The following SCN3A variants were observed in gnomAD, a reference collection of about 807,000 sequenced individuals.
SCN3A encodes sodium voltage-gated channel alpha subunit 3, also known as sodium channel protein type 3 subunit alpha.
A neutral mutation model predicts 187.6 loss-of-function variants in SCN3A; 60 were observed. That is an observed-to-expected ratio of 0.32 (90% CI 0.26 to 0.40). SCN3A has a LOEUF of 0.40. Among genes scored for constraint, SCN3A ranks in the 10% least tolerant of loss-of-function variants. The pLI, the probability that SCN3A is intolerant of heterozygous loss-of-function variation, is 1.00. For missense variants in SCN3A, 1,601 were observed against 2,428.2 expected (o/e 0.66, Z 7.16); for synonymous variants, 788 against 829.2 (o/e 0.95, Z 0.85).
chr2:165,142,446 G>A (rs915767448), intron 12 of SCN3A, among the ~76,000 whole-genome samples: 1 of 152,160 alleles, frequency 6.6e-6, no homozygotes, highest in Non-Finnish European at 1.5e-5. Context: ...TATTCACTAA[G>A]AAGTGCTCTG....
At chr2:165,125,564 G>T (rs1294061700) in intron 18 of SCN3A, among the ~76,000 whole-genome samples, 2 of 152,030 alleles carry the variant, frequency 1.3e-5, no homozygotes, top group Non-Finnish European at 2.9e-5. Flanking sequence ...TGATCCACTC[G>T]CCTCGGCCTC....
intron 13 of SCN3A, 38 bp from the exon 14 acceptor site, chr2:165,139,646 C>T (rs1687880535): frequency 6.2e-7 from 1 of 1,612,520 alleles, no homozygotes; most frequent in African/African-American, 1.3e-5. Flanking sequence ...CCACTCTTCC[C>T]AATAAGTAAT....
chr2:165,204,003 A>C lies in SCN3A; in HGVS notation c.-428T>G, dbSNP rs190054808. On this transcript the variant is annotated 5_prime_UTR_variant, in exon 1 of 28. Transcript: ENST00000283254. ...TCTTTCTCTGTGGATAAGAAAACAA[A>C]GAGACCTTTCCAGAATCCTCTCTGC... 5 of 150,818 alleles carry C rather than the reference A, an allele frequency of 3.3e-5. No homozygotes were observed. The highest frequency in any genetic ancestry group is 7.4e-5 in the Non-Finnish European group (5 of 67,706). The allele number at this position is 150,818 out of a possible 1,614,324, so 9.3% of individuals were successfully genotyped here.
At chr2:165,129,877 G>T in intron 17 of SCN3A, 63 bp downstream of exon 17, 1 of 1,597,754 alleles carries the variant, frequency 6.3e-7, no homozygotes, top group Non-Finnish European at 8.6e-7. Flanking sequence ...ACTACATCTG[G>T]CCACGTTCCT....
At position 165,159,252 on chromosome 2, in the gene SCN3A, G is replaced by A. The variant is rs746921843; in HGVS notation, c.1031+3056C>T. On this transcript the variant is annotated intron_variant, in intron 9 of 27. Coordinates refer to ENST00000283254, the MANE Select transcript of SCN3A (RefSeq NM_006922.4). ...CACCTGTACTATATACTCGTGTGGG[G>A]TATCTGTTCAGATCTTTTGCCAGTT... Among the ~76,000 whole-genome samples, 2 of 138,304 alleles carry A rather than the reference G, an allele frequency of 1.4e-5. 1 individual carries two copies. The highest frequency in any genetic ancestry group is 3.0e-5 in the Non-Finnish European group (2 of 66,702). 90.7% of individuals were successfully genotyped at this position (138,304 alleles called of 152,430 possible).
rs1056195158 is a variant in SCN3A, at chr2:165,133,914, C to T, written c.2392-2497G>A. Among the ~76,000 whole-genome samples, 7 of 152,138 alleles carry T rather than the reference C, an allele frequency of 4.6e-5. No individual in the cohort carries two copies. The East Asian group carries it at 5.8e-4, about 13-fold the overall frequency. On this transcript the variant is annotated intron_variant, in intron 15 of 27. Coordinates refer to ENST00000283254, the MANE Select transcript of SCN3A (RefSeq NM_006922.4). ...ACTGAAAGTTATTAAAAATTGATTT[C>T]GTAAAAACCATATTTTGTTTTTGAT... is the stretch of plus-strand genomic sequence containing the variant.
intron 18 of SCN3A, among the ~76,000 whole-genome samples, chr2:165,120,595 C>A (rs1686620151): frequency 6.6e-6 from 1 of 151,862 alleles, no homozygotes; most frequent in Non-Finnish European, 1.5e-5. Context: ...TAAAATCTAG[C>A]CATTTCTCTA....
At chr2:165,117,293 T>C (rs1249643429) in intron 18 of SCN3A, among the ~76,000 whole-genome samples, 1 of 152,128 alleles carries the variant, frequency 6.6e-6, no homozygotes, top group East Asian at 1.9e-4. Flanking sequence ...ATAGAAAGTT[T>C]CATGCTTTTT....
Position 165,162,606 on chromosome 2 carries a change from A to G in SCN3A, c.917T>C (p.Val306Ala), listed in dbSNP as rs1319007780. ...GTTAAATGTGCTCATTGTTACATTAACAAATGTCCCATTTGAATCCATTGT... is the reference window on the plus strand; with the variant it reads ...GTTAAATGTGCTCATTGTTACATTAGCAAATGTCCCATTTGAATCCATTGT... ...NGTMDSNGTF[V>A]NVTMSTFNWK... is the part of the protein sequence containing the mutation. The change falls in exon 8 of 28, where the codon GTT becomes GCT. Residue 306 changes from valine to alanine, a missense_variant. Around this residue, in one of 11 missense-constraint regions of SCN3A, gnomAD observed 104 missense variants for 102.7 expected, o/e 1.01. Coordinates refer to ENST00000283254, the MANE Select transcript of SCN3A (RefSeq NM_006922.4). The G allele has an allele frequency of 6.2e-7, 1 of 1,614,124 alleles. No homozygotes were observed. The highest frequency in any genetic ancestry group is 2.2e-5 in the East Asian group (1 of 44,860).
At position 165,164,508 on chromosome 2, in the gene SCN3A, A is replaced by G; in HGVS notation, c.486T>C (p.Thr162=). 1.2e-6 allele frequency: 2 copies of G among 1,613,730 alleles called. No homozygotes were observed. The highest frequency in any genetic ancestry group is 1.7e-6 in the Non-Finnish European group (2 of 1,179,778). Reference sequence around the variant, plus strand: ...TAAGTGACTCAAAGGTATAGATTCCAGTGAATGTGTACCTAGGAAAAACAT... The same window carrying G: ...TAAGTGACTCAAAGGTATAGATTCCGGTGAATGTGTACCTAGGAAAAACAT... ...DWTKNVEYTF[T]GIYTFESLIK... Residue 162 remains threonine, a synonymous_variant, in exon 6 of 28, where the codon ACT becomes ACC. Transcript: ENST00000283254.
At position 165,146,883 on chromosome 2, in the gene SCN3A, T is replaced by C; in HGVS notation, c.1527A>G (p.Arg509=). The C allele has an allele frequency of 6.2e-7, 1 of 1,614,092 alleles. No homozygotes were observed. Among genetic ancestry groups the C allele is most frequent in the Non-Finnish European group, 8.5e-7 (1 of 1,179,960 alleles). Residue 509 remains arginine (R), a synonymous_variant, in exon 12 of 28, where the codon AGA becomes AGG. Coordinates refer to ENST00000283254, the MANE Select transcript of SCN3A (RefSeq NM_006922.4). ...WRNRRKKRRQ[R]EHLEGNNKGE... is the part of the protein sequence containing the mutation. ...CTTTGTTGTTTCCTTCAAGGTGCTC[T>C]CTCTGTCTTCTTTTCTTCCTTCGGT...
intron 1 of SCN3A, among the ~76,000 whole-genome samples, chr2:165,197,368 A>G (rs561851251): frequency 2.0e-5 from 3 of 152,176 alleles, no homozygotes; most frequent in Middle Eastern, 3.4e-3. Flanking sequence ...TTGAACTACA[A>G]TTGCAGAGCT....
chr2:165,114,543 C>A (rs1039509141), intron 19 of SCN3A, among the ~76,000 whole-genome samples: 4 of 152,182 alleles, frequency 2.6e-5, no homozygotes, highest in Non-Finnish European at 5.9e-5. Context: ...TAACTCCCAT[C>A]CACTCTTCTG....
chr2:165,166,124 G>C (rs1300612098), intron 5 of SCN3A, among the ~76,000 whole-genome samples: 1 of 152,146 alleles, frequency 6.6e-6, no homozygotes, highest in South Asian at 2.1e-4. Context: ...TTATGCTGAG[G>C]CAATTCTGTC....
chr2:165,164,728 A>T (rs1689631018), intron 5 of SCN3A, among the ~76,000 whole-genome samples: 1 of 152,150 alleles, frequency 6.6e-6, no homozygotes, highest in Non-Finnish European at 1.5e-5. Context: ...ATTCTTTAGG[A>T]ATCTAATCTG....
In SCN3A at chr2:165,154,635, T is replaced by G. The variant is rs766153878; in HGVS notation, c.1197A>C (p.Thr399=). 1.2e-6 allele frequency: 2 copies of G among 1,614,106 alleles called. No homozygotes were observed. Among genetic ancestry groups the G allele is most frequent in the Admixed American group, 3.3e-5 (2 of 60,018 alleles). Reference sequence around the variant, plus strand: ...TGACCAGGACAAAAAATATCATGTATGTTTTCCCAGCAGCACGTAATGTCT... The same window carrying G: ...TGACCAGGACAAAAAATATCATGTAGGTTTTCCCAGCAGCACGTAATGTCT... ...YQLTLRAAGK[T]YMIFFVLVIF... Residue 399 remains threonine, a synonymous_variant, in exon 11 of 28, where the codon ACA becomes ACC. Transcript: ENST00000283254.
At chr2:165,172,373 C>T (rs1690162420) in intron 3 of SCN3A, among the ~76,000 whole-genome samples, 2 of 152,086 alleles carry the variant, frequency 1.3e-5, no homozygotes, top group African/African-American at 4.8e-5. Flanking sequence ...TTTTATGAAG[C>T]GGGCAAGCAA....
Position 165,089,260 on chromosome 2 carries a change from A to G in SCN3A, c.*890T>C, listed in dbSNP as rs910386534. ...ACATAACATAGGGTATTTAATTGAC[A>G]TAGACTATCAGCTTTGCTGAGAGCA... On this transcript the variant is annotated 3_prime_UTR_variant, in exon 28 of 28. Transcript: ENST00000283254. The G allele has an allele frequency of 6.6e-6, 1 of 152,614 alleles. No individual in the cohort carries two copies. The highest frequency in any genetic ancestry group is 1.5e-5 in the Non-Finnish European group (1 of 68,014). The allele number at this position is 152,614 out of a possible 1,614,324, so 9.5% of individuals were successfully genotyped here.
At chr2:165,167,919 G>A (rs1689874912) in intron 5 of SCN3A, among the ~76,000 whole-genome samples, 1 of 152,080 alleles carries the variant, frequency 6.6e-6, no homozygotes, top group South Asian at 2.1e-4. Flanking sequence ...CTTTCTCCAT[G>A]TATTAAAATA....
Sources: gnomAD v4.1 joint callset for allele counts (sites outside exome capture counted in the v4.1 genomes callset) on GRCh38, gnomAD v4.1.1 for gene constraint, gnomAD v4.1.1 regional missense constraint, MANE v1.5 for transcripts, NCBI Gene and HGNC (gene_info 2026-07-23, HGNC 2026-07-21) for gene names.